Variants in NOX4 observed in about 807,000 individuals in gnomAD.
NOX4 encodes the protein kidney oxidase-1.
Under a neutral mutation model 87.6 loss-of-function variants are expected in NOX4, and 69 were observed. The observed-to-expected ratio is 0.79, with a 90% CI of 0.65 to 0.96. NOX4 has a LOEUF of 0.96. Among genes scored for constraint, NOX4 ranks in the 40% least tolerant of loss-of-function variants. The pLI is 0.00. For missense variants in NOX4, 680 were observed against 681.5 expected (o/e 1.00, Z 0.02); for synonymous variants, 275 against 238.2 (o/e 1.15, Z -1.42).
chr11:89,384,395 A>C (rs1940530359), intron 11 of NOX4, among the ~76,000 whole-genome samples: 1 of 152,058 alleles, frequency 6.6e-6, no homozygotes, highest in South Asian at 2.1e-4. Context: ...GTCAAGCCTA[A>C]ATTTCTTCCT....
chr11:89,534,158 C>CTAGACA, the NOX4 span: 3 of 152,228 alleles, frequency 2.0e-5, no homozygotes, highest in African/African-American at 7.2e-5. Flanking sequence ...AGGAAGATGC[C>CTAGACA]TAGACATTCT....
chr11:89,502,350 A>G (rs180851566), upstream of NOX4, among the ~76,000 whole-genome samples: 1 of 152,206 alleles, frequency 6.6e-6, no homozygotes, highest in Admixed American at 6.5e-5. Context: ...AGTAGGAGTA[A>G]TGGGTTAAAC....
intron 11 of NOX4, among the ~76,000 whole-genome samples, chr11:89,378,633 CTGGAAGAAAAATA>C (rs1260035066): frequency 4.6e-5 from 7 of 151,626 alleles, no homozygotes; most frequent in Admixed American, 4.6e-4. Flanking sequence ...ATAGTAAATA[CTGGAAGAAAAATA>C]TAGGAGAAAA....
chr11:89,552,472 G>A, the NOX4 span, among the ~76,000 whole-genome samples: 1 of 151,962 alleles, frequency 6.6e-6, no homozygotes, highest in Admixed American at 6.6e-5. Context: ...ATAATTCATT[G>A]CCTCACATTT....
chr11:89,368,110 ATATAT>A (rs1469714707), intron 12 of NOX4, among the ~76,000 whole-genome samples: 5 of 151,870 alleles, frequency 3.3e-5, no homozygotes, highest in African/African-American at 4.8e-5. Flanking sequence ...AAGTGTATAA[ATATAT>A]TATAACATAA....
chr11:89,539,343 A>G, the NOX4 span, among the ~76,000 whole-genome samples: 1 of 152,028 alleles, frequency 6.6e-6, no homozygotes, highest in Non-Finnish European at 1.5e-5. Flanking sequence ...GAGGCAGGAA[A>G]ATCGCCTGAA....
In NOX4 at chr11:89,402,427, C is replaced by T; in HGVS notation, c.745G>A (p.Glu249Lys). ...LPEYFSEHFH[E>K]PFPEGFSKPA... ...TTTGAAAATCCTTCAGGGAAAGGTT[C>T]ATGAAAATGTTCTGAGAAATACTCT... The change falls in exon 9 of 18, where the codon GAA becomes AAA. Residue 249 changes from glutamate to lysine, a missense_variant. Transcript: ENST00000263317. 6.2e-7 allele frequency: 1 copy of T among 1,613,056 alleles called. No individual in the cohort carries two copies. Among genetic ancestry groups the T allele is most frequent in the Non-Finnish European group, 8.5e-7 (1 of 1,179,528 alleles).
At chr11:89,581,188 TA>T in the NOX4 span, among the ~76,000 whole-genome samples, 1 of 152,176 alleles carries the variant, frequency 6.6e-6, no homozygotes, top group Non-Finnish European at 1.5e-5. Flanking sequence ...GACAGCAAGA[TA>T]AAGCATAGTC....
At chr11:89,418,544 T>C (rs1291956502) in intron 8 of NOX4, among the ~76,000 whole-genome samples, 1 of 151,508 alleles carries the variant, frequency 6.6e-6, no homozygotes, top group African/African-American at 2.4e-5. Context: ...ATTGTTAATA[T>C]ATTCGAAGAG....
At chr11:89,425,986 T>C (rs1281646834) in intron 7 of NOX4, among the ~76,000 whole-genome samples, 1 of 152,154 alleles carries the variant, frequency 6.6e-6, no homozygotes, top group African/African-American at 2.4e-5. Flanking sequence ...AAAAAGTTTG[T>C]TCAGAAGCAT....
rs1939922590 is a variant in NOX4 at position 89,377,297 on chromosome 11, A to T, written c.1075-3805T>A. ...TTGAAATTTTAATTTAACTGTAAAC[A>T]TGAAAATGTTGCTGAATCTATCTAG... is the stretch of plus-strand genomic sequence containing the variant. On this transcript the variant is annotated intron_variant, in intron 11 of 17. Coordinates refer to ENST00000263317, the MANE Select transcript of NOX4 (RefSeq NM_016931.5). 7.2e-5 allele frequency among the ~76,000 whole-genome samples: 11 copies of T among 152,330 alleles called. 1 individual carries two copies. In the South Asian group the frequency reaches 2.3e-3, roughly 32 times the overall value.
At chr11:89,335,712 G>C in intron 17 of NOX4, 133 bp downstream of exon 17, 1 of 513,866 alleles carries the variant, frequency 1.9e-6, no homozygotes, top group Non-Finnish European at 3.5e-6. Flanking sequence ...TCCTTTGATA[G>C]TGAAAGAGTG....
chr11:89,438,883 A>AT (rs1944303277), intron 6 of NOX4, among the ~76,000 whole-genome samples: 2 of 51,618 alleles, frequency 3.9e-5, no homozygotes, highest in Non-Finnish European at 5.8e-5. Context: ...ATAATATATA[A>AT]TATATTATAT....
At chr11:89,558,149 T>A in the NOX4 span, among the ~76,000 whole-genome samples, 9 of 152,152 alleles carry the variant, frequency 5.9e-5, no homozygotes, top group Admixed American at 2.0e-4. Flanking sequence ...TTTTTACTTA[T>A]GCAAAAGAGT....
At chr11:89,511,607 T>C in the NOX4 span, among the ~76,000 whole-genome samples, 1 of 152,010 alleles carries the variant, frequency 6.6e-6, no homozygotes, top group Non-Finnish European at 1.5e-5. Flanking sequence ...TGATTACAAA[T>C]ATCTGTGCGT....
chr11:89,573,158 A>C, the NOX4 span, among the ~76,000 whole-genome samples: 6 of 152,194 alleles, frequency 3.9e-5, no homozygotes, highest in Non-Finnish European at 8.8e-5. Context: ...CCCCTGAGAC[A>C]ATATATTATT....
At chr11:89,481,891 T>C (rs908227263) in intron 2 of NOX4, among the ~76,000 whole-genome samples, 3 of 152,124 alleles carry the variant, frequency 2.0e-5, no homozygotes, top group African/African-American at 7.2e-5. Flanking sequence ...GGACTAGGGC[T>C]ACGACGACTG....
intron 12 of NOX4, 45 bp downstream of exon 12, chr11:89,373,387 C>T (rs373763135): frequency 3.2e-4 from 341 of 1,060,634 alleles, no homozygotes; most frequent in Non-Finnish European, 4.7e-4. Flanking sequence ...TATTACATTC[C>T]ACTATTTTCA....
intron 2 of NOX4, among the ~76,000 whole-genome samples, chr11:89,482,820 A>AC (rs1946444928): frequency 6.6e-6 from 1 of 152,144 alleles, no homozygotes; most frequent in African/African-American, 2.4e-5. Flanking sequence ...AAACACAAAC[A>AC]GTATATTCAG....
Sources: gnomAD v4.1 joint callset for allele counts (sites outside exome capture counted in the v4.1 genomes callset) on GRCh38, gnomAD v4.1.1 for gene constraint, MANE v1.5 for transcripts, NCBI Gene and HGNC (gene_info 2026-07-23, HGNC 2026-07-21) for gene names.